The following MPHOSPH9 variants were observed in gnomAD, a reference collection of about 807,000 sequenced individuals.
The protein encoded by MPHOSPH9 is M-phase phosphoprotein 9.
In MPHOSPH9, 88 loss-of-function variants were observed where a neutral mutation model predicts 145.5. That is an observed-to-expected ratio of 0.60 (90% CI 0.51 to 0.72). The LOEUF (loss-of-function observed/expected upper bound fraction) is 0.72, where lower values mean the gene tolerates loss of function less well. MPHOSPH9 is among the 30% of genes least tolerant of loss of function. MPHOSPH9 has a pLI of 0.00. For synonymous variants in MPHOSPH9, 435 were observed against 486.2 expected (o/e 0.89, Z 1.39); for missense variants, 1,238 against 1,386.6 (o/e 0.89, Z 1.70).
At chr12:123,169,377 T>C (rs2044475314) in intron 16 of MPHOSPH9, among the ~76,000 whole-genome samples, 1 of 151,178 alleles carries the variant, frequency 6.6e-6, no homozygotes, top group Non-Finnish European at 1.5e-5. Flanking sequence ...CGGGCACCTG[T>C]AGTCCCAGCT....
At chr12:123,208,988 A>C (rs1174586983) in intron 8 of MPHOSPH9, among the ~76,000 whole-genome samples, 1 of 152,146 alleles carries the variant, frequency 6.6e-6, no homozygotes, top group Non-Finnish European at 1.5e-5. Context: ...GCTGGAGTGC[A>C]GTGGCACCAT....
intron 13 of MPHOSPH9, among the ~76,000 whole-genome samples, 183 bp from the exon 14 acceptor site, chr12:123,181,393 G>A (rs998172678): frequency 1.3e-5 from 2 of 152,100 alleles, no homozygotes; most frequent in African/African-American, 4.8e-5. Context: ...TTCTGGAATG[G>A]TTTCTGTACA....
At chr12:123,153,606 G>A (rs1190975622), downstream of MPHOSPH9, among the ~76,000 whole-genome samples, 4 of 151,664 alleles carry the variant, frequency 2.6e-5, no homozygotes, top group African/African-American at 7.3e-5. Context: ...CGTCTCTACC[G>A]AAAATACAAA....
intron 13 of MPHOSPH9, among the ~76,000 whole-genome samples, chr12:123,182,537 C>T (rs988069055): frequency 3.3e-5 from 5 of 151,662 alleles, no homozygotes; most frequent in East Asian, 1.9e-4. Flanking sequence ...TGAGCCACCA[C>T]GCCTGGCCTA....
intron 23 of MPHOSPH9, 125 bp downstream of exon 23, chr12:123,160,656 A>G (rs1177982248): frequency 2.6e-6 from 2 of 780,304 alleles, no homozygotes. Flanking sequence ...AAAAGCTAAA[A>G]GTTTTGACTG....
chr12:123,198,997 G>A (rs1032241359), intron 11 of MPHOSPH9, among the ~76,000 whole-genome samples: 4 of 151,626 alleles, frequency 2.6e-5, no homozygotes, highest in Non-Finnish European at 4.4e-5. Context: ...TTGGGGTAGG[G>A]AGATTTACTT....
At chr12:123,184,498 A>ATTTT (rs35180953) in intron 13 of MPHOSPH9, among the ~76,000 whole-genome samples, 2 of 145,498 alleles carry the variant, frequency 1.4e-5, no homozygotes, top group Non-Finnish European at 1.5e-5. Flanking sequence ...CTTTAATTTA[A>ATTTT]TTTTTTTTTT....
rs1277245347 is a variant in MPHOSPH9, at chr12:123,156,758, T to C, written c.*49A>G. 5 of 1,481,232 alleles carry C rather than the reference T, an allele frequency of 3.4e-6. No homozygotes were observed. Among genetic ancestry groups the C allele is most frequent in the Non-Finnish European group, 4.7e-6 (5 of 1,066,744 alleles). 91.8% of individuals were successfully genotyped at this position (1,481,232 alleles called of 1,614,324 possible). On this transcript the variant is annotated 3_prime_UTR_variant, in exon 24 of 24. Coordinates refer to ENST00000606320, the MANE Select transcript of MPHOSPH9 (RefSeq NM_022782.4). Reference sequence around the variant, plus strand: ...AGTTTGCCTTTTCTGACTGCATAATTATACATTAGTGCAAACAAAAATGTC... The same window carrying C: ...AGTTTGCCTTTTCTGACTGCATAATCATACATTAGTGCAAACAAAAATGTC...
At chr12:123,165,155 G>T in intron 18 of MPHOSPH9, 147 bp downstream of exon 18, 1 of 649,096 alleles carries the variant, frequency 1.5e-6, no homozygotes, top group Non-Finnish European at 2.6e-6. Context: ...AATTCTCTAT[G>T]AAACGGGGCT....
At chr12:123,233,827 G>C (rs993244136), upstream of MPHOSPH9, 5 of 152,944 alleles carry the variant, frequency 3.3e-5, no homozygotes, top group African/African-American at 1.2e-4. Flanking sequence ...TTCCACGGAG[G>C]CCCAAGGCGA....
chr12:123,221,472 CAT>C lies in MPHOSPH9; in HGVS notation c.770_771del (p.His257ArgfsTer13). 6.2e-7 allele frequency: 1 copy of C among 1,613,908 alleles called. No individual in the cohort carries two copies. Among genetic ancestry groups the C allele is most frequent in the African/African-American group, 1.3e-5 (1 of 75,046 alleles). On this transcript the variant is annotated frameshift_variant, in exon 5 of 24. Transcript: ENST00000606320. LOFTEE classifies it high-confidence loss of function. ...NFYIQTPEEC[H>X]VSLKEDVSIS... ...ATGGATACATCTTCCTTTAAAGACA[CAT>C]GACACTCTTCAGGAGTCTGTATATA...
At chr12:123,210,305 G>C in intron 7 of MPHOSPH9, 143 bp from the exon 8 acceptor site, 1 of 488,662 alleles carries the variant, frequency 2.0e-6, no homozygotes, top group Non-Finnish European at 3.6e-6. Context: ...ATGGAAAAAA[G>C]TTATCTAAAT....
chr12:123,193,108 T>TATACACACAC (rs1326040192), intron 13 of MPHOSPH9, among the ~76,000 whole-genome samples: 3 of 94,908 alleles, frequency 3.2e-5, no homozygotes, highest in African/African-American at 1.3e-4. Flanking sequence ...TATATATATA[T>TATACACACAC]ACACACACAC....
rs60052793 is a variant in MPHOSPH9 at position 123,159,448 on chromosome 12, C to T, written c.3450+1333G>A. ...AAAGTGCTGGGATTACAGGCATAAGCCATTGCGCCTGGCCATGGCAGGTTT... is the reference window on the plus strand; with the variant it reads ...AAAGTGCTGGGATTACAGGCATAAGTCATTGCGCCTGGCCATGGCAGGTTT... On this transcript the variant is annotated intron_variant, in intron 23 of 23. Coordinates refer to ENST00000606320, the MANE Select transcript of MPHOSPH9 (RefSeq NM_022782.4). This position sits in a 1 kb window ranked among gnomAD's most constrained non-coding sequence, Gnocchi z 4.3. Among the ~76,000 whole-genome samples, 984 of 152,298 alleles carry T rather than the reference C, an allele frequency of 6.5e-3. 14 individuals are homozygous for T. Among genetic ancestry groups the T allele is most frequent in the African/African-American group, 0.022 (928 of 41,572 alleles).
rs1328367077 is a variant in MPHOSPH9, at chr12:123,163,008, A to T, written c.3029+6T>A. 6.5e-7 allele frequency: 1 copy of T among 1,539,882 alleles called. No individual in the cohort carries two copies. Among genetic ancestry groups the T allele is most frequent in the Non-Finnish European group, 8.7e-7 (1 of 1,153,990 alleles). ...AAACTTTATTCTACAATTTTAGAGAACTTACCGAATTGGACTGCTCTCATT... is the reference window on the plus strand; with the variant it reads ...AAACTTTATTCTACAATTTTAGAGATCTTACCGAATTGGACTGCTCTCATT... On this transcript the variant is annotated splice_donor_region_variant and intron_variant, in intron 20 of 23. Coordinates refer to ENST00000606320, the MANE Select transcript of MPHOSPH9 (RefSeq NM_022782.4).
intron 3 of MPHOSPH9, among the ~76,000 whole-genome samples, chr12:123,225,530 A>AAGGG (rs2047405991): frequency 2.0e-5 from 1 of 50,262 alleles, no homozygotes; most frequent in Non-Finnish European, 3.7e-5. Context: ...GGAAGAAAGG[A>AAGGG]AGGGAGGGAG....
In MPHOSPH9 at chr12:123,203,270, T is replaced by C. The variant is rs1401453388; in HGVS notation, c.1300A>G (p.Asn434Asp). ...LPERNLTSAS[N>D]PNHPPEVLTL... ...TTTACCTCTGGTGGATGATTTGGGT[T>C]GGAAGCAGAAGTGAGATTCCTCTCA... Residue 434 changes from asparagine to aspartate, a missense_variant, in exon 9 of 24, where the codon AAC becomes GAC. Coordinates refer to ENST00000606320, the MANE Select transcript of MPHOSPH9 (RefSeq NM_022782.4). 5.6e-6 allele frequency: 9 copies of C among 1,613,784 alleles called. No individual in the cohort carries two copies. The East Asian group carries it at 1.3e-4, about 24-fold the overall frequency.
At position 123,162,162 on chromosome 12, in the gene MPHOSPH9, G is replaced by C; in HGVS notation, c.3086C>G (p.Thr1029Ser). Residue 1029 changes from threonine (T) to serine (S), a missense_variant, in exon 21 of 24, where the codon ACC becomes AGC. Thr to Ser is a moderately conservative substitution (Grantham distance 58). Transcript: ENST00000606320. ...AAACTGGAGTTGCTTTCTTGGATTGGTACGTTGTAATGTAGACACAGGAAC... is the reference window on the plus strand; with the variant it reads ...AAACTGGAGTTGCTTTCTTGGATTGCTACGTTGTAATGTAGACACAGGAAC... ...DTVPVSTLQRTNPRKQLQFLP... is the reference protein window; with the variant it reads ...DTVPVSTLQRSNPRKQLQFLP... The C allele has an allele frequency of 6.3e-7, 1 of 1,590,148 alleles. No individual in the cohort carries two copies. Among genetic ancestry groups the C allele is most frequent in the Non-Finnish European group, 8.6e-7 (1 of 1,166,680 alleles).
chr12:123,228,053 C>T (rs1378591173), intron 2 of MPHOSPH9, among the ~76,000 whole-genome samples: 6 of 152,100 alleles, frequency 3.9e-5, no homozygotes, highest in South Asian at 4.1e-4. Context: ...TAATTTGGTA[C>T]GATAAGCTGA....
Sources: allele counts gnomAD v4.1 joint callset (sites outside exome capture counted in the v4.1 genomes callset), GRCh38; gene constraint gnomAD v4.1.1; non-coding constraint Gnocchi (gnomAD v3.1); transcripts MANE v1.5; gene names NCBI Gene and HGNC (gene_info 2026-07-23, HGNC 2026-07-21).